The following CPNE8 variants were observed in gnomAD, a reference collection of about 807,000 sequenced individuals.
CPNE8 encodes copine-8.
A neutral mutation model predicts 81.5 loss-of-function variants in CPNE8; 45 were observed. The observed-to-expected ratio is 0.55, with a 90% CI of 0.44 to 0.71. The LOEUF (loss-of-function observed/expected upper bound fraction) is 0.71. CPNE8 is among the 30% of genes least tolerant of loss of function. The probability of loss-of-function intolerance (pLI) is 0.00; values close to 1 mark genes in which losing one functional copy is unlikely to be tolerated. For missense variants in CPNE8, 594 were observed against 672.1 expected, an observed-to-expected ratio of 0.88 and a Z score of 1.28; for synonymous variants, 252 against 226.3, an observed-to-expected ratio of 1.11 and a Z score of -1.02.
chr12:38,798,573 G>T (rs182424905), intron 6 of CPNE8, among the ~76,000 whole-genome samples: 1 of 151,758 alleles, frequency 6.6e-6, no homozygotes, highest in Non-Finnish European at 1.5e-5. Context: ...AAGAACAACC[G>T]GTACCAGCCA....
chr12:38,729,893 C>T (rs1407055297), intron 11 of CPNE8, among the ~76,000 whole-genome samples: 2 of 151,906 alleles, frequency 1.3e-5, no homozygotes, highest in African/African-American at 2.4e-5. Context: ...AGTGAAGGTG[C>T]TCAGATATAT....
At chr12:38,743,039 A>G (rs1592054708) in intron 10 of CPNE8, among the ~76,000 whole-genome samples, 1 of 152,118 alleles carries the variant, frequency 6.6e-6, no homozygotes, top group South Asian at 2.1e-4. Context: ...AGTAATTAAT[A>G]TATTTCATTT....
intron 13 of CPNE8, among the ~76,000 whole-genome samples, chr12:38,719,502 C>G (rs1940496376): frequency 6.7e-6 from 1 of 149,314 alleles, no homozygotes; most frequent in African/African-American, 2.5e-5. Context: ...ACTCGGGAGG[C>G]TGAGGCATGA....
chr12:38,796,073 C>A (rs1167996983), intron 6 of CPNE8, among the ~76,000 whole-genome samples: 2 of 152,130 alleles, frequency 1.3e-5, no homozygotes, highest in African/African-American at 4.8e-5. Context: ...CCAGCCTGGT[C>A]AACATGGTGA....
At chr12:38,798,934 G>A (rs948718641) in intron 6 of CPNE8, among the ~76,000 whole-genome samples, 1 of 152,104 alleles carries the variant, frequency 6.6e-6, no homozygotes, top group African/African-American at 2.4e-5. Flanking sequence ...AACCAACAAA[G>A]ATCAAAAGAG....
At chr12:38,876,858 C>A (rs190023562) in intron 1 of CPNE8, among the ~76,000 whole-genome samples, 297 of 152,196 alleles carry the variant, frequency 2.0e-3, no homozygotes, top group Middle Eastern at 0.017. Flanking sequence ...TGCAAAAGAC[C>A]AGTGATTGTT....
intron 3 of CPNE8, among the ~76,000 whole-genome samples, chr12:38,862,779 G>A (rs1463474348): frequency 6.6e-6 from 1 of 151,926 alleles, no homozygotes; most frequent in Non-Finnish European, 1.5e-5. Context: ...CAAAACCCTG[G>A]CTCTACTAAA....
intron 1 of CPNE8, among the ~76,000 whole-genome samples, chr12:38,875,994 G>C (rs1384692563): frequency 6.6e-6 from 1 of 152,034 alleles, no homozygotes; most frequent in East Asian, 1.9e-4. Context: ...TGCTCATTAG[G>C]TATCCTAGGA....
In CPNE8 at chr12:38,785,350, T is replaced by G. The variant is rs1942157763; in HGVS notation, c.408-9049A>C. ...ATCTTAAGTAGAAAGACTAAAAAAT[T>G]AACCAATAAAAAAAAAAAACATGAT... is the stretch of plus-strand genomic sequence containing the variant. On this transcript the variant is annotated intron_variant, in intron 6 of 19. Coordinates refer to ENST00000331366, the MANE Select transcript of CPNE8 (RefSeq NM_153634.3). 2.7e-5 allele frequency among the ~76,000 whole-genome samples: 4 copies of G among 150,766 alleles called. No homozygotes were observed. The South Asian group carries it at 8.3e-4, about 31-fold the overall frequency.
In CPNE8 at chr12:38,654,039, CT is replaced by C; in HGVS notation, c.1537del (p.Ser513ValfsTer6). Reference sequence around the variant, plus strand: ...AGCCATGCTCAGTATGTGGTTTCCACTTCTGTCAATATAATCCCTGAATGGC... The same window carrying C: ...AGCCATGCTCAGTATGTGGTTTCCACTCTGTCAATATAATCCCTGAATGGC... Reference protein sequence around the residue: ...FVPFRDYIDRSGNHILSMARL... With the variant: ...FVPFRDYIDRXGNHILSMARL... On this transcript the variant is annotated frameshift_variant, in exon 20 of 20. Transcript: ENST00000331366. LOFTEE classifies it high-confidence loss of function. 6.2e-7 allele frequency: 1 copy of C among 1,610,058 alleles called. No individual in the cohort carries two copies. The highest frequency in any genetic ancestry group is 8.5e-7 in the Non-Finnish European group (1 of 1,178,350).
chr12:38,771,331 G>A (rs59020369), intron 7 of CPNE8, among the ~76,000 whole-genome samples: 5,242 of 147,824 alleles, frequency 0.035, 289 homozygotes, highest in African/African-American at 0.13. Flanking sequence ...CAGGTGTGGC[G>A]GTGCCTGCCT....
At chr12:38,811,684 G>A (rs560575269) in intron 6 of CPNE8, among the ~76,000 whole-genome samples, 1 of 152,248 alleles carries the variant, frequency 6.6e-6, no homozygotes, top group Admixed American at 6.5e-5. Context: ...GTGAGAATAT[G>A]TCTCTACAAG....
intron 6 of CPNE8, among the ~76,000 whole-genome samples, chr12:38,782,999 T>C (rs1942089277): frequency 1.3e-5 from 2 of 152,160 alleles, no homozygotes; most frequent in African/African-American, 4.8e-5. Flanking sequence ...AACTTTTACA[T>C]GCAGTTGAAA....
At chr12:38,730,155 T>C in intron 11 of CPNE8, 128 bp downstream of exon 11, 1 of 611,354 alleles carries the variant, frequency 1.6e-6, no homozygotes, top group South Asian at 2.0e-5. Flanking sequence ...GCTCAACAAC[T>C]TCAAAGATTC....
At chr12:38,883,416 A>C (rs970202010) in intron 1 of CPNE8, among the ~76,000 whole-genome samples, 2 of 152,252 alleles carry the variant, frequency 1.3e-5, no homozygotes, top group African/African-American at 4.8e-5. Flanking sequence ...AGTATTGGAA[A>C]GAGAAAAATT....
chr12:38,679,844 G>C, intron 16 of CPNE8: 1 of 316,868 alleles, frequency 3.2e-6, no homozygotes, highest in Non-Finnish European at 4.6e-6. Flanking sequence ...TAATTAACAT[G>C]CTACAGAAAT....
chr12:38,664,986 C>T (rs768595470), intron 19 of CPNE8, among the ~76,000 whole-genome samples: 39 of 152,170 alleles, frequency 2.6e-4, no homozygotes, highest in Non-Finnish European at 4.7e-4. Context: ...TAAACTAAAC[C>T]TTTTCCAAAG....
At chr12:38,751,974 C>T (rs1262619471) in intron 10 of CPNE8, among the ~76,000 whole-genome samples, 1 of 152,108 alleles carries the variant, frequency 6.6e-6, no homozygotes, top group Non-Finnish European at 1.5e-5. Context: ...TATCTGTTTA[C>T]TTTTAAAAAA....
intron 13 of CPNE8, among the ~76,000 whole-genome samples, chr12:38,713,044 T>A (rs1190968949): frequency 6.6e-6 from 1 of 151,610 alleles, no homozygotes; most frequent in African/African-American, 2.4e-5. Flanking sequence ...TATGAAATAA[T>A]CATTGTTATT....
Sources: gnomAD v4.1 joint callset for allele counts (sites outside exome capture counted in the v4.1 genomes callset) on GRCh38, gnomAD v4.1.1 for gene constraint, MANE v1.5 for transcripts, NCBI Gene and HGNC (gene_info 2026-07-23, HGNC 2026-07-21) for gene names.